GLI2: variants seen among roughly 807,000 people sequenced by gnomAD.
GLI2 encodes GLI family zinc finger 2, also known as transcription activator GLI2.
Under a neutral mutation model 78.9 loss-of-function variants are expected in GLI2, and 22 were observed. That is an observed-to-expected ratio of 0.28 (90% CI 0.20 to 0.40). GLI2 has a LOEUF of 0.40. GLI2 is among the 10% of genes least tolerant of loss of function. GLI2 has a pLI of 1.00. For synonymous variants in GLI2, 974 were observed against 963.7 expected, an observed-to-expected ratio of 1.01 and a Z score of -0.20; for missense variants, 2,097 against 2,213.2, an observed-to-expected ratio of 0.95 and a Z score of 1.05.
intron 3 of GLI2, among the ~76,000 whole-genome samples, chr2:120,938,454 A>G (rs1029988673): frequency 6.6e-6 from 1 of 152,270 alleles, no homozygotes; most frequent in African/African-American, 2.4e-5. Context: ...CCACGTGGCT[A>G]GATTGCAACC....
rs77402608 is a variant in GLI2, at chr2:120,805,467, C to T, written c.148+7999C>T. ...CTGGCCGGCACTCCTTCATTTCTCA[C>T]GGTTCACTGTGAATGTTCAGCTGAT... On this transcript the variant is annotated intron_variant, in intron 2 of 13. Coordinates refer to ENST00000361492, the MANE Select transcript of GLI2 (RefSeq NM_001374353.1). 8.2e-3 allele frequency among the ~76,000 whole-genome samples: 1,245 copies of T among 152,368 alleles called. 17 individuals are homozygous for T. The highest frequency in any genetic ancestry group is 0.028 in the African/African-American group (1,163 of 41,576).
chr2:120,984,764 C>T (rs957460241), intron 12 of GLI2, 21 bp downstream of exon 12: 5 of 1,610,402 alleles, frequency 3.1e-6, no homozygotes, highest in Admixed American at 1.7e-5. Flanking sequence ...CTGGGCAGCC[C>T]AGCCACGCAA....
rs1686016368 is a variant in GLI2 at position 120,825,591 on chromosome 2, G to T, written c.148+28123G>T. 3.3e-5 allele frequency among the ~76,000 whole-genome samples: 5 copies of T among 152,000 alleles called. No individual in the cohort carries two copies. In the South Asian group the frequency reaches 8.4e-4, roughly 25 times the overall value. ...GCTCCTGGCTGTGGGTGTGCACCTG[G>T]CTGTGAGTGTGTGCTGGACTGTAAG... On this transcript the variant is annotated intron_variant, in intron 2 of 13. Transcript: ENST00000361492.
chr2:120,982,693 C>T, intron 10 of GLI2, 23 bp from the exon 11 acceptor site: 2 of 1,598,138 alleles, frequency 1.3e-6, no homozygotes, highest in Non-Finnish European at 1.7e-6. Flanking sequence ...GGTGCCTTGA[C>T]TGACTGAACC....
chr2:120,927,587 T>C (rs1573616426), intron 3 of GLI2, 121 bp downstream of exon 3: 1 of 776,588 alleles, frequency 1.3e-6, no homozygotes, highest in Non-Finnish European at 2.3e-6. Context: ...CTGATCTACA[T>C]TGTCCTGAGC....
intron 1 of GLI2, among the ~76,000 whole-genome samples, chr2:120,790,391 G>A (rs1684116000): frequency 6.6e-6 from 1 of 152,182 alleles, no homozygotes; most frequent in Non-Finnish European, 1.5e-5. Context: ...AGACACCATG[G>A]CCCTGCCTCC....
chr2:120,745,645 G>A (rs1168057072), intron 1 of GLI2, among the ~76,000 whole-genome samples: 1 of 152,142 alleles, frequency 6.6e-6, no homozygotes, highest in Non-Finnish European at 1.5e-5. Context: ...CTGGGGCTTT[G>A]ATTCATACAG....
In GLI2 at chr2:120,986,414, A is replaced by T. The variant is rs776052132; in HGVS notation, c.2042A>T (p.Asp681Val). The T allele has an allele frequency of 6.2e-7, 1 of 1,613,704 alleles. No individual in the cohort carries two copies. Among genetic ancestry groups the T allele is most frequent in the Admixed American group, 1.7e-5 (1 of 59,996 alleles). Residue 681 changes from aspartate to valine, a missense_variant, in exon 13 of 14, where the codon GAT (aspartate) becomes GTT (valine). Physicochemically the swap from Asp to Val is radical, Grantham distance 152. This residue lies in a region of GLI2 where 68 missense variants were observed against 104.4 expected (regional missense o/e 0.65). Coordinates refer to ENST00000361492, the MANE Select transcript of GLI2 (RefSeq NM_001374353.1). ...AGCCTGGGAGACCTGACGGCACTGGATGACACACCCCCAGGGGCCGACACC... is the reference window on the plus strand; with the variant it reads ...AGCCTGGGAGACCTGACGGCACTGGTTGACACACCCCCAGGGGCCGACACC... Reference protein sequence around the residue: ...PGSLGDLTALDDTPPGADTSA... With the variant: ...PGSLGDLTALVDTPPGADTSA...
chr2:120,951,226 GC>G lies in GLI2; in HGVS notation c.255-14del. ...TCTGTGTCCTCCTTCTTAGACGGCT[GC>G]CCATTGTCTCTGCAGGCCCCCTGCC... On this transcript the variant is annotated splice_polypyrimidine_tract_variant and intron_variant, in intron 3 of 13. Coordinates refer to ENST00000361492, the MANE Select transcript of GLI2 (RefSeq NM_001374353.1). The G allele has an allele frequency of 6.7e-7, 1 of 1,484,576 alleles. No individual in the cohort carries two copies. Among genetic ancestry groups the G allele is most frequent in the Non-Finnish European group, 9.4e-7 (1 of 1,061,888 alleles). The allele number at this position is 1,484,576 out of a possible 1,614,324, so 92.0% of individuals were successfully genotyped here.
intron 1 of GLI2, among the ~76,000 whole-genome samples, chr2:120,751,866 A>ATCG (rs1682883196): frequency 6.6e-6 from 1 of 152,210 alleles, no homozygotes; most frequent in Non-Finnish European, 1.5e-5. Context: ...ATCAAAGGTG[A>ATCG]GATCATGTTT....
At chr2:120,883,679 G>A (rs990957977) in intron 2 of GLI2, among the ~76,000 whole-genome samples, 4 of 152,206 alleles carry the variant, frequency 2.6e-5, no homozygotes, top group Non-Finnish European at 4.4e-5. Context: ...GCTCAGAGAA[G>A]TGTAATCATT....
chr2:120,757,599 A>C (rs987160473), intron 1 of GLI2, among the ~76,000 whole-genome samples: 4 of 152,176 alleles, frequency 2.6e-5, no homozygotes, highest in Non-Finnish European at 5.9e-5. Context: ...TGCTGATTCT[A>C]TTCTGCAATG....
Position 120,861,043 on chromosome 2 carries a change from C to G in GLI2, c.148+63575C>G, listed in dbSNP as rs566322405. ...CCACTCTGCCTTTAAAATCCTGAAG[C>G]CCTAGATGCCCACCCTAATCATGAG... On this transcript the variant is annotated intron_variant, in intron 2 of 13. Transcript: ENST00000361492. Among the ~76,000 whole-genome samples, 33 of 152,294 alleles carry G rather than the reference C, an allele frequency of 2.2e-4. 2 individuals carry two copies. In the South Asian group the frequency reaches 6.6e-3, roughly 31 times the overall value.
At chr2:120,743,176 G>GAAATCTCTGCTTTGGGGACCA (rs1682599175) in intron 1 of GLI2, among the ~76,000 whole-genome samples, 1 of 152,188 alleles carries the variant, frequency 6.6e-6, no homozygotes, top group Non-Finnish European at 1.5e-5. Context: ...CAGTGGGACT[G>GAAATCTCTGCTTTGGGGACCA]AACTCTCTCT....
intron 2 of GLI2, among the ~76,000 whole-genome samples, chr2:120,809,861 A>G (rs1166151081): frequency 6.6e-6 from 1 of 152,164 alleles, no homozygotes; most frequent in Non-Finnish European, 1.5e-5. Context: ...GAGAAAGAGC[A>G]CCAGCCTCCA....
At chr2:120,879,696 C>G (rs1010054428) in intron 2 of GLI2, among the ~76,000 whole-genome samples, 2 of 152,226 alleles carry the variant, frequency 1.3e-5, no homozygotes, top group Admixed American at 1.3e-4. Context: ...CACTTAACGG[C>G]TGGGCTGTCA....
chr2:120,814,857 G>A (rs1165878116), intron 2 of GLI2, among the ~76,000 whole-genome samples: 1 of 132,616 alleles, frequency 7.5e-6, no homozygotes, highest in East Asian at 2.2e-4. Context: ...GTGCCAAAAA[G>A]CTTCGGGACC....
At chr2:120,897,911 C>G (rs1207638754) in intron 2 of GLI2, among the ~76,000 whole-genome samples, 1 of 152,074 alleles carries the variant, frequency 6.6e-6, no homozygotes, top group Admixed American at 6.5e-5. Context: ...TAACTCTACC[C>G]CATGAAGGGA....
At chr2:120,763,922 T>A (rs1573354390) in intron 1 of GLI2, among the ~76,000 whole-genome samples, 1 of 152,300 alleles carries the variant, frequency 6.6e-6, no homozygotes, top group African/African-American at 2.4e-5. Flanking sequence ...CTTTTATGCT[T>A]CCCAAGCCAG....
Sources: gnomAD v4.1 joint callset for allele counts (sites outside exome capture counted in the v4.1 genomes callset) on GRCh38, gnomAD v4.1.1 for gene constraint, gnomAD v4.1.1 regional missense constraint, MANE v1.5 for transcripts, NCBI Gene and HGNC (gene_info 2026-07-23, HGNC 2026-07-21) for gene names.